DLGAP2: variants seen among roughly 807,000 people sequenced by gnomAD.
DLGAP2 encodes the protein DLG associated protein 2, also known as disks large-associated protein 2.
Under a neutral mutation model 100.3 loss-of-function variants are expected in DLGAP2, and 26 were observed. That is an observed-to-expected ratio of 0.26 (90% CI 0.19 to 0.36). DLGAP2 has a LOEUF of 0.36. Ranked by LOEUF, DLGAP2 falls within the 10% of genes least tolerant of loss-of-function variation. DLGAP2 has a pLI of 1.00. For missense variants in DLGAP2, 1,858 were observed against 1,453.2 expected (o/e 1.28, Z -4.53); for synonymous variants, 886 against 630.1 (o/e 1.41, Z -6.08).
chr8:1,664,117 G>A (rs1204730967), intron 8 of DLGAP2, among the ~76,000 whole-genome samples: 7 of 152,200 alleles, frequency 4.6e-5, no homozygotes, highest in East Asian at 1.9e-4. Context: ...CTGTGGGTGC[G>A]GGCACAGCAG....
chr8:940,966 C>T (rs955122424), intron 2 of DLGAP2, among the ~76,000 whole-genome samples: 1 of 152,056 alleles, frequency 6.6e-6, no homozygotes, highest in Non-Finnish European at 1.5e-5. Context: ...AGGGGAGCAG[C>T]GGGGTCACAG....
intron 3 of DLGAP2, among the ~76,000 whole-genome samples, chr8:1,410,969 T>C (rs78488540): frequency 0.01 from 1,566 of 152,292 alleles, 25 homozygotes; most frequent in African/African-American, 0.036. Flanking sequence ...TATAATTGCA[T>C]AGTGTTGTAC....
At chr8:1,256,307 G>C (rs73533761) in intron 2 of DLGAP2, among the ~76,000 whole-genome samples, 1 of 116,936 alleles carries the variant, frequency 8.6e-6, no homozygotes, top group African/African-American at 4.3e-5. Context: ...GGTGCTGTCT[G>C]TGTGTCCTCT....
chr8:1,361,477 A>G (rs1801980781), intron 3 of DLGAP2, among the ~76,000 whole-genome samples: 1 of 152,184 alleles, frequency 6.6e-6, no homozygotes, highest in Non-Finnish European at 1.5e-5. Flanking sequence ...CTTCAGAACT[A>G]AGGTAACACA....
At chr8:855,188 C>T (rs1196226366) in intron 1 of DLGAP2, among the ~76,000 whole-genome samples, 1 of 152,198 alleles carries the variant, frequency 6.6e-6, no homozygotes, top group Non-Finnish European at 1.5e-5. Flanking sequence ...GAGAAGACAC[C>T]TGCAGGCATT....
intron 2 of DLGAP2, among the ~76,000 whole-genome samples, chr8:964,696 A>C (rs965834043): frequency 8.5e-5 from 13 of 152,268 alleles, no homozygotes; most frequent in African/African-American, 2.9e-4. Context: ...GCTTCTGCCC[A>C]CACCCAAGGG....
intron 3 of DLGAP2, among the ~76,000 whole-genome samples, chr8:1,437,327 C>T (rs1157564185): frequency 2.0e-5 from 3 of 152,262 alleles, no homozygotes; most frequent in Non-Finnish European, 4.4e-5. Flanking sequence ...CAGTGCGCTC[C>T]ACAATGCTCA....
chr8:836,790 T>A (rs1011869402), intron 1 of DLGAP2, among the ~76,000 whole-genome samples: 2 of 152,204 alleles, frequency 1.3e-5, no homozygotes, highest in Non-Finnish European at 2.9e-5. Flanking sequence ...TATTTAAAGA[T>A]GGCATCTAAC....
intron 2 of DLGAP2, among the ~76,000 whole-genome samples, chr8:921,424 C>T (rs1798711625): frequency 2.0e-5 from 3 of 152,238 alleles, no homozygotes; most frequent in Middle Eastern, 3.4e-3. Flanking sequence ...TCTGTGTCCA[C>T]GTGTCCACAG....
chr8:1,044,199 A>C (rs1032309443), intron 2 of DLGAP2, among the ~76,000 whole-genome samples: 1 of 152,192 alleles, frequency 6.6e-6, no homozygotes, highest in African/African-American at 2.4e-5. Flanking sequence ...TGTTGAGAGG[A>C]ACTGGTGGTC....
At chr8:893,838 A>G (rs1798086037) in intron 1 of DLGAP2, among the ~76,000 whole-genome samples, 2 of 152,230 alleles carry the variant, frequency 1.3e-5, no homozygotes, top group African/African-American at 2.4e-5. Flanking sequence ...GGCCAGCAGC[A>G]TGGGGCCCGA....
At chr8:1,425,542 GC>G (rs972568739) in intron 3 of DLGAP2, among the ~76,000 whole-genome samples, 2 of 152,272 alleles carry the variant, frequency 1.3e-5, no homozygotes, top group Non-Finnish European at 2.9e-5. Flanking sequence ...CCCTGCAGGG[GC>G]CCCAGAAGGC....
chr8:1,458,096 C>A (rs915026943), intron 3 of DLGAP2, among the ~76,000 whole-genome samples: 2 of 146,454 alleles, frequency 1.4e-5, no homozygotes, highest in African/African-American at 5.0e-5. Flanking sequence ...TTAGTAGAGA[C>A]GGGGTTTCAC....
At chr8:1,227,158 A>G (rs1036597694) in intron 2 of DLGAP2, among the ~76,000 whole-genome samples, 1 of 134,194 alleles carries the variant, frequency 7.5e-6, no homozygotes, top group Non-Finnish European at 1.6e-5. Context: ...TGTGAGATAT[A>G]TATATATATA....
chr8:1,012,506 C>G (rs111252506), intron 2 of DLGAP2, among the ~76,000 whole-genome samples: 3,724 of 147,672 alleles, frequency 0.025, 145 homozygotes, highest in African/African-American at 0.089. Flanking sequence ...CCCACTTCAG[C>G]GGCAGTGTGG....
chr8:812,564 A>G (rs566962136), intron 1 of DLGAP2, among the ~76,000 whole-genome samples: 9 of 152,212 alleles, frequency 5.9e-5, no homozygotes, highest in Non-Finnish European at 1.2e-4. Flanking sequence ...GGTAGTTTTG[A>G]GAATGATTTC....
chr8:822,067 CCA>C, intron 1 of DLGAP2: 3 of 398,994 alleles, frequency 7.5e-6, no homozygotes, highest in Non-Finnish European at 8.8e-6. Context: ...CACATTTTCC[CCA>C]TCTCTATCCA....
In DLGAP2 at chr8:1,346,986, C is replaced by A. The variant is rs948145601; in HGVS notation, c.106+88103C>A. On this transcript the variant is annotated intron_variant, in intron 3 of 14. Transcript: ENST00000637795. ...TGAGTTCCCATACAGAGCTGCATTG[C>A]ACTCATGGTAGCTGTGTGGAGGTTG... Among the ~76,000 whole-genome samples the A allele has an allele frequency of 2.6e-5, 4 of 151,388 alleles. No individual in the cohort carries two copies. The South Asian group carries it at 8.4e-4, about 32-fold the overall frequency.
At chr8:1,245,267 G>A (rs756984376) in intron 2 of DLGAP2, among the ~76,000 whole-genome samples, 7 of 152,084 alleles carry the variant, frequency 4.6e-5, no homozygotes, top group Admixed American at 2.0e-4. Context: ...TGAAACATAT[G>A]TCCACTAAAA....
Sources: allele counts gnomAD v4.1 joint callset (sites outside exome capture counted in the v4.1 genomes callset), GRCh38; gene constraint gnomAD v4.1.1; transcripts MANE v1.5; gene names NCBI Gene and HGNC (gene_info 2026-07-23, HGNC 2026-07-21).